The following CNTNAP2 variants were observed in gnomAD, a reference collection of about 807,000 sequenced individuals.
CNTNAP2 encodes contactin-associated protein-like 2.
A neutral mutation model predicts 155.2 loss-of-function variants in CNTNAP2; 98 were observed. The observed-to-expected ratio is 0.63, with a 90% CI of 0.54 to 0.75. The LOEUF is 0.75. CNTNAP2 is among the 30% of genes least tolerant of loss of function. CNTNAP2 has a pLI of 0.00. For missense variants in CNTNAP2, 1,727 were observed against 1,688.1 expected, an observed-to-expected ratio of 1.02 and a Z score of -0.40; for synonymous variants, 651 against 631.2, an observed-to-expected ratio of 1.03 and a Z score of -0.47.
chr7:147,072,452 G>T (rs1799911739), intron 4 of CNTNAP2, among the ~76,000 whole-genome samples: 1 of 150,372 alleles, frequency 6.7e-6, no homozygotes, highest in Admixed American at 6.6e-5. Flanking sequence ...GGTAAGCCTT[G>T]CTCTGGCTGT....
chr7:146,234,182 A>T (rs924560218), intron 1 of CNTNAP2, among the ~76,000 whole-genome samples: 1 of 151,222 alleles, frequency 6.6e-6, no homozygotes, highest in Non-Finnish European at 1.5e-5. Flanking sequence ...ATGGTATCTC[A>T]TTGTGGTTTT....
intron 13 of CNTNAP2, among the ~76,000 whole-genome samples, chr7:147,737,651 T>G (rs1447901695): frequency 1.3e-5 from 2 of 152,332 alleles, no homozygotes; most frequent in African/African-American, 4.8e-5. Context: ...CTTCTTGAGC[T>G]GCAGTGGGCT....
chr7:147,985,012 G>A (rs1801592006), intron 15 of CNTNAP2, among the ~76,000 whole-genome samples: 1 of 152,030 alleles, frequency 6.6e-6, no homozygotes, highest in Non-Finnish European at 1.5e-5. Context: ...CTGCTCAGGA[G>A]ACTGAGGCAT....
chr7:146,425,709 G>A (rs555942492), intron 1 of CNTNAP2, among the ~76,000 whole-genome samples: 1 of 152,258 alleles, frequency 6.6e-6, no homozygotes, highest in African/African-American at 2.4e-5. Flanking sequence ...ACATTCTTGA[G>A]GGATAAGATG....
intron 3 of CNTNAP2, among the ~76,000 whole-genome samples, chr7:146,848,971 G>A: frequency 6.6e-6 from 1 of 151,990 alleles, no homozygotes; most frequent in Non-Finnish European, 1.5e-5. Context: ...CGTAGAGACG[G>A]GGTTTCGCCA....
intron 8 of CNTNAP2, among the ~76,000 whole-genome samples, chr7:147,173,477 A>G (rs755555522): frequency 6.6e-6 from 1 of 152,288 alleles, no homozygotes; most frequent in East Asian, 1.9e-4. Context: ...TATTACCTAT[A>G]AAGCAGATGA....
At chr7:148,297,330 A>G (rs1303703356) in intron 21 of CNTNAP2, among the ~76,000 whole-genome samples, 1 of 152,214 alleles carries the variant, frequency 6.6e-6, no homozygotes, top group African/African-American at 2.4e-5. Flanking sequence ...AAATAAGCAC[A>G]CTAAAATTGG....
chr7:146,530,406 T>C (rs35327543), intron 1 of CNTNAP2, among the ~76,000 whole-genome samples: 10,076 of 151,952 alleles, frequency 0.066, 379 homozygotes, highest in Non-Finnish European at 0.085. Context: ...AAAGATCTTT[T>C]ATTCAGGGGA....
intron 3 of CNTNAP2, among the ~76,000 whole-genome samples, chr7:146,888,212 T>C (rs1227578030): frequency 6.6e-6 from 1 of 152,140 alleles, no homozygotes; most frequent in Non-Finnish European, 1.5e-5. Context: ...TATTTAACCT[T>C]CATTAAATAT....
At chr7:146,970,323 C>G (rs1475490600) in intron 3 of CNTNAP2, among the ~76,000 whole-genome samples, 3 of 151,630 alleles carry the variant, frequency 2.0e-5, no homozygotes, top group Non-Finnish European at 1.5e-5. Context: ...TGACAAAGGG[C>G]TACTATCCAG....
In CNTNAP2 at chr7:146,889,231, G is replaced by T. The variant is rs149196625; in HGVS notation, c.402+49327G>T. Among the ~76,000 whole-genome samples, 583 of 152,148 alleles carry T rather than the reference G, an allele frequency of 3.8e-3. 5 individuals carry two copies. The highest frequency in any genetic ancestry group is 0.014 in the African/African-American group (563 of 41,544). On this transcript the variant is annotated intron_variant, in intron 3 of 23. Transcript: ENST00000361727. ...TTGCTTTTTCTGTTTTTCAAAAAAT[G>T]TTATAAGTATAGCTTTCTTATATAT...
chr7:147,243,366 T>C (rs1267017949), intron 8 of CNTNAP2, among the ~76,000 whole-genome samples: 2 of 152,176 alleles, frequency 1.3e-5, no homozygotes, highest in Non-Finnish European at 2.9e-5. Context: ...ATTTTTATGT[T>C]ATGTGTCAGA....
chr7:147,864,001 C>A (rs936587307), intron 13 of CNTNAP2, among the ~76,000 whole-genome samples: 9 of 151,988 alleles, frequency 5.9e-5, no homozygotes, highest in African/African-American at 1.9e-4. Flanking sequence ...AAGTCCTTGC[C>A]CATGCCTATG....
intron 14 of CNTNAP2, among the ~76,000 whole-genome samples, chr7:147,937,457 A>G (rs1278474543): frequency 6.6e-6 from 1 of 152,130 alleles, no homozygotes; most frequent in African/African-American, 2.4e-5. Flanking sequence ...AAATCATATC[A>G]ATGAGGCACA....
At chr7:146,850,634 G>A (rs1006038478) in intron 3 of CNTNAP2, among the ~76,000 whole-genome samples, 7 of 152,058 alleles carry the variant, frequency 4.6e-5, no homozygotes, top group African/African-American at 1.7e-4. Context: ...TGGGGTACAC[G>A]GTGGGACTGG....
At chr7:147,425,989 T>G (rs572464026) in intron 10 of CNTNAP2, among the ~76,000 whole-genome samples, 1 of 152,264 alleles carries the variant, frequency 6.6e-6, no homozygotes, top group South Asian at 2.1e-4. Context: ...GGATATGTTG[T>G]ATAGTTCTAT....
chr7:147,479,326 A>G lies in CNTNAP2; in HGVS notation c.1671-6609A>G, dbSNP rs535483796. On this transcript the variant is annotated intron_variant, in intron 10 of 23. Transcript: ENST00000361727. ...TGTATATAGAACTCATTTGCTAATT[A>G]TGTTTGCATGAATAAAGACAATTTC... Among the ~76,000 whole-genome samples, 4 of 152,332 alleles carry G rather than the reference A, an allele frequency of 2.6e-5. No individual in the cohort carries two copies. The East Asian group carries it at 7.7e-4, about 29-fold the overall frequency.
intron 3 of CNTNAP2, among the ~76,000 whole-genome samples, chr7:146,913,511 G>A (rs2129217820): frequency 6.6e-6 from 1 of 152,240 alleles, no homozygotes; most frequent in Middle Eastern, 3.4e-3. Context: ...AGGCTGAGAA[G>A]TCTAAAACCA....
chr7:147,839,821 A>G (rs1020370157), intron 13 of CNTNAP2, among the ~76,000 whole-genome samples: 4 of 152,196 alleles, frequency 2.6e-5, no homozygotes, highest in African/African-American at 9.6e-5. Context: ...TCACAATAGC[A>G]AAGATATGGA....
Sources: allele counts gnomAD v4.1 joint callset (sites outside exome capture counted in the v4.1 genomes callset), GRCh38; gene constraint gnomAD v4.1.1; transcripts MANE v1.5; gene names NCBI Gene and HGNC (gene_info 2026-07-23, HGNC 2026-07-21).